CTNNA2: variants seen among roughly 807,000 people sequenced by gnomAD.
The protein encoded by CTNNA2 is catenin alpha 2, also known as catenin alpha-2.
A neutral mutation model predicts 101.0 loss-of-function variants in CTNNA2; 42 were observed. The ratio of observed to expected loss-of-function variants is 0.42; its 90% CI spans 0.32 to 0.54. CTNNA2 has a LOEUF of 0.54. CTNNA2 is among the 20% of genes least tolerant of loss of function. The pLI, the probability that CTNNA2 is intolerant of heterozygous loss-of-function variation, is 0.14. For missense variants in CTNNA2, 871 were observed against 1,223.1 expected (o/e 0.71, Z 4.29); for synonymous variants, 450 against 456.4 (o/e 0.99, Z 0.18).
chr2:79,575,023 G>C (rs1675700254), intron 1 of CTNNA2, among the ~76,000 whole-genome samples: 1 of 152,214 alleles, frequency 6.6e-6, no homozygotes, highest in Non-Finnish European at 1.5e-5. Context: ...CTTTTGAAAA[G>C]CGTTGGTTCG....
intron 1 of CTNNA2, among the ~76,000 whole-genome samples, chr2:79,590,998 C>T (rs1280027741): frequency 1.3e-5 from 2 of 152,122 alleles, no homozygotes; most frequent in East Asian, 3.9e-4. Flanking sequence ...TCTCTCCCTT[C>T]TTCTGTCTTC....
intron 3 of CTNNA2, among the ~76,000 whole-genome samples, chr2:79,845,875 C>A (rs576117461): frequency 6.6e-6 from 1 of 151,982 alleles, no homozygotes; most frequent in Non-Finnish European, 1.5e-5. Flanking sequence ...TCTTTAAATC[C>A]TCTTAATATA....
chr2:80,123,036 T>C (rs1461548374), intron 7 of CTNNA2, among the ~76,000 whole-genome samples: 1 of 152,086 alleles, frequency 6.6e-6, no homozygotes, highest in Non-Finnish European at 1.5e-5. Flanking sequence ...ATGGTGTGGG[T>C]CCCACCACCT....
intron 7 of CTNNA2, among the ~76,000 whole-genome samples, chr2:80,322,790 G>T (rs1417516233): frequency 6.6e-6 from 1 of 152,146 alleles, no homozygotes; most frequent in Admixed American, 6.5e-5. Flanking sequence ...GCCACTCGGG[G>T]GCCATACTCC....
At chr2:80,243,645 G>A (rs1176277776) in intron 7 of CTNNA2, among the ~76,000 whole-genome samples, 1 of 152,196 alleles carries the variant, frequency 6.6e-6, no homozygotes, top group African/African-American at 2.4e-5. Context: ...ATATACTACA[G>A]TTTGTTTATC....
chr2:80,265,185 G>C (rs527236275), intron 7 of CTNNA2, among the ~76,000 whole-genome samples: 2 of 152,208 alleles, frequency 1.3e-5, no homozygotes, highest in East Asian at 3.9e-4. Flanking sequence ...ATGTTGGCCA[G>C]ACTGGTCTCG....
intron 9 of CTNNA2, among the ~76,000 whole-genome samples, chr2:80,438,421 G>GTT (rs56189020): frequency 6.6e-6 from 1 of 151,196 alleles, no homozygotes; most frequent in African/African-American, 2.4e-5. Context: ...TTGTTTGTTA[G>GTT]TTTTTTTGTT....
At chr2:79,895,548 C>T (rs1038616772) in intron 6 of CTNNA2, among the ~76,000 whole-genome samples, 3 of 152,164 alleles carry the variant, frequency 2.0e-5, no homozygotes, top group African/African-American at 7.2e-5. Context: ...AATTTAGCAT[C>T]TCAAACCACC....
At chr2:80,625,136 C>T (rs1671553839) in intron 18 of CTNNA2, among the ~76,000 whole-genome samples, 1 of 151,920 alleles carries the variant, frequency 6.6e-6, no homozygotes, top group Admixed American at 6.6e-5. Context: ...AGTGATATTG[C>T]TATTAGGTGT....
At chr2:79,893,938 G>A (rs1325915089) in intron 6 of CTNNA2, among the ~76,000 whole-genome samples, 1 of 152,040 alleles carries the variant, frequency 6.6e-6, no homozygotes, top group Non-Finnish European at 1.5e-5. Context: ...TTAAGTATCT[G>A]AAAAATTCTC....
chr2:80,303,291 G>A lies in CTNNA2; in HGVS notation c.1057-89920G>A, dbSNP rs868828007. On this transcript the variant is annotated intron_variant, in intron 7 of 18. Coordinates refer to ENST00000402739, the MANE Select transcript of CTNNA2 (RefSeq NM_001282597.3). The surrounding 1 kb of genome is among the most constrained non-coding windows in gnomAD (Gnocchi z 7.7). ...CGGCAGTCCTGGAAGATGCGCACGG[G>A]CACAAACTGGATGGCGTTGGCCCGC... is the stretch of plus-strand genomic sequence containing the variant. 1 of 1,613,458 alleles carries A rather than the reference G, an allele frequency of 6.2e-7. No homozygotes were observed.
chr2:79,187,270 CTTTTT>C (rs781414965), intron 1 of CTNNA2, among the ~76,000 whole-genome samples: 5 of 65,466 alleles, frequency 7.6e-5, no homozygotes, highest in African/African-American at 2.2e-4. Flanking sequence ...CTTTTCTTTT[CTTTTT>C]TTTTTTTTTT....
chr2:79,884,185 A>G (rs59478942), intron 6 of CTNNA2, among the ~76,000 whole-genome samples: 6,234 of 152,096 alleles, frequency 0.041, 417 homozygotes, highest in African/African-American at 0.14. Flanking sequence ...CTTTCTCCCA[A>G]CTTGCCCTGG....
At chr2:79,559,133 G>A (rs1674618489) in intron 1 of CTNNA2, among the ~76,000 whole-genome samples, 1 of 151,956 alleles carries the variant, frequency 6.6e-6, no homozygotes, top group African/African-American at 2.4e-5. Flanking sequence ...GGTAGAGTGT[G>A]TTTTAGAGCA....
intron 7 of CTNNA2, among the ~76,000 whole-genome samples, chr2:79,968,326 G>C (rs1690227057): frequency 6.6e-6 from 1 of 152,166 alleles, no homozygotes; most frequent in Admixed American, 6.5e-5. Flanking sequence ...AGTAGCCACT[G>C]TTTAGGGCAT....
intron 3 of CTNNA2, among the ~76,000 whole-genome samples, chr2:79,854,025 T>C (rs1374806653): frequency 6.6e-6 from 1 of 152,200 alleles, no homozygotes; most frequent in Non-Finnish European, 1.5e-5. Flanking sequence ...ACATTTGAAT[T>C]GATCTTACCT....
chr2:79,347,593 T>A (rs1194606217), intron 3 of CTNNA2, among the ~76,000 whole-genome samples: 1 of 152,166 alleles, frequency 6.6e-6, no homozygotes, highest in Non-Finnish European at 1.5e-5. Context: ...CTCCTTTTTT[T>A]CTTCTAATAC....
At chr2:79,665,457 A>G (rs1019167734) in intron 2 of CTNNA2, among the ~76,000 whole-genome samples, 36 of 152,282 alleles carry the variant, frequency 2.4e-4, no homozygotes, top group African/African-American at 8.4e-4. Flanking sequence ...GATTTAGTAA[A>G]TTTCTGTTGA....
chr2:79,223,506 C>T (rs1047084925), intron 2 of CTNNA2, among the ~76,000 whole-genome samples: 4 of 152,216 alleles, frequency 2.6e-5, no homozygotes, highest in East Asian at 1.9e-4. Context: ...CCCAGTTAGA[C>T]GAAGTAGTTA....
Sources: gnomAD v4.1 joint callset for allele counts (sites outside exome capture counted in the v4.1 genomes callset) on GRCh38, gnomAD v4.1.1 for gene constraint, Gnocchi (gnomAD v3.1) non-coding constraint, MANE v1.5 for transcripts, NCBI Gene and HGNC (gene_info 2026-07-23, HGNC 2026-07-21) for gene names.